TSHZ2: variants seen among roughly 807,000 people sequenced by gnomAD.
The protein encoded by TSHZ2 is teashirt zinc finger homeobox 2.
A neutral mutation model predicts 74.4 loss-of-function variants in TSHZ2; 21 were observed. The observed-to-expected ratio is 0.28, with a 90% CI of 0.20 to 0.41. TSHZ2 has a LOEUF of 0.41. Ranked by LOEUF, TSHZ2 falls within the 10% of genes least tolerant of loss-of-function variation. The pLI is 1.00. For missense variants in TSHZ2, 1,244 were observed against 1,293.5 expected (o/e 0.96, Z 0.59); for synonymous variants, 540 against 515.3 (o/e 1.05, Z -0.65).
intron 2 of TSHZ2, among the ~76,000 whole-genome samples, chr20:53,467,845 T>C (rs1415990337): frequency 2.6e-5 from 4 of 152,194 alleles, no homozygotes; most frequent in African/African-American, 9.7e-5. Flanking sequence ...CATGAGGATA[T>C]GTGTACCAGG....
chr20:53,190,137 A>ATATT (rs1568803538), intron 1 of TSHZ2, among the ~76,000 whole-genome samples: 2 of 90,498 alleles, frequency 2.2e-5, no homozygotes, highest in Non-Finnish European at 4.4e-5. Flanking sequence ...ATATATATAT[A>ATATT]TTTTCTTAAA....
At chr20:53,108,357 T>C (rs577744923) in intron 1 of TSHZ2, among the ~76,000 whole-genome samples, 1 of 152,358 alleles carries the variant, frequency 6.6e-6, no homozygotes, top group African/African-American at 2.4e-5. Flanking sequence ...GTTATGCACA[T>C]GGAGGCATTT....
At chr20:53,370,294 C>G (rs2145620910) in intron 2 of TSHZ2, among the ~76,000 whole-genome samples, 2 of 152,216 alleles carry the variant, frequency 1.3e-5, no homozygotes, top group Middle Eastern at 3.4e-3. Context: ...GAGGAGGGGA[C>G]CTGGGGAGCT....
At chr20:53,340,959 C>G (rs1394683646) in intron 2 of TSHZ2, among the ~76,000 whole-genome samples, 1 of 152,196 alleles carries the variant, frequency 6.6e-6, no homozygotes, top group Non-Finnish European at 1.5e-5. Flanking sequence ...TACCTGCTGG[C>G]TTGTTGGTGG....
chr20:53,163,958 C>G (rs1988007353), intron 1 of TSHZ2, among the ~76,000 whole-genome samples: 1 of 152,152 alleles, frequency 6.6e-6, no homozygotes, highest in Non-Finnish European at 1.5e-5. Context: ...TCATAAGCAT[C>G]TTATCAAGTG....
intron 1 of TSHZ2, among the ~76,000 whole-genome samples, chr20:53,069,922 A>C (rs1171907747): frequency 2.0e-5 from 3 of 152,224 alleles, no homozygotes; most frequent in Non-Finnish European, 2.9e-5. Context: ...AGGACCACTT[A>C]GGGTCCCGTT....
intron 2 of TSHZ2, among the ~76,000 whole-genome samples, chr20:53,362,906 A>G (rs1488190063): frequency 6.6e-6 from 1 of 152,224 alleles, no homozygotes; most frequent in African/African-American, 2.4e-5. Flanking sequence ...TCATCTCCAC[A>G]CATCAAAAGG....
intron 1 of TSHZ2, among the ~76,000 whole-genome samples, chr20:53,137,701 C>T (rs1987282543): frequency 6.6e-6 from 1 of 152,160 alleles, no homozygotes; most frequent in Admixed American, 6.5e-5. Flanking sequence ...TCTAGCTGAT[C>T]TCTGTGCACG....
intron 2 of TSHZ2, among the ~76,000 whole-genome samples, chr20:53,300,095 G>A (rs755910767): frequency 3.9e-5 from 6 of 152,106 alleles, no homozygotes; most frequent in Non-Finnish European, 8.8e-5. Flanking sequence ...TCTCTTAACA[G>A]AGCCAGCAAT....
Position 53,254,973 on chromosome 20 carries a change from C to A in TSHZ2, c.1515C>A (p.Asp505Glu). The change falls in exon 2 of 3, where the codon GAC (aspartate) becomes GAA (glutamate). Residue 505 changes from aspartate (D) to glutamate (E), a missense_variant. This residue lies in a region of TSHZ2 where 562 missense variants were observed against 544.0 expected (regional missense o/e 1.03). Transcript: ENST00000371497. The stretch of plus-strand genomic sequence containing the variant: ...AATATCAATACCTAAGGGAGGAAGA[C>A]TTGGAAGATGGCTCAAAGGGTGGAG... Reference protein sequence around the residue: ...TIKYQYLREEDLEDGSKGGGD... With the variant: ...TIKYQYLREEELEDGSKGGGD... 6.2e-7 allele frequency: 1 copy of A among 1,614,186 alleles called. No homozygotes were observed. Among genetic ancestry groups the A allele is most frequent in the Non-Finnish European group, 8.5e-7 (1 of 1,180,020 alleles).
At chr20:53,309,639 T>C (rs751515711) in intron 2 of TSHZ2, among the ~76,000 whole-genome samples, 8 of 152,238 alleles carry the variant, frequency 5.3e-5, no homozygotes, top group Non-Finnish European at 1.0e-4. Flanking sequence ...CAAATTAGCA[T>C]GCTACCAATG....
intron 1 of TSHZ2, among the ~76,000 whole-genome samples, chr20:53,174,654 G>C (rs933026962): frequency 1.3e-5 from 2 of 152,198 alleles, no homozygotes. Context: ...CTATCATGAC[G>C]CCTGTGTCTC....
intron 1 of TSHZ2, among the ~76,000 whole-genome samples, chr20:53,075,667 A>G (rs184037517): frequency 6.6e-6 from 1 of 152,312 alleles, no homozygotes; most frequent in Admixed American, 6.5e-5. Flanking sequence ...GTGATAAGAT[A>G]TGAGAATGAA....
At chr20:53,250,487 T>C (rs1407556830) in intron 1 of TSHZ2, among the ~76,000 whole-genome samples, 1 of 152,162 alleles carries the variant, frequency 6.6e-6, no homozygotes, top group African/African-American at 2.4e-5. Flanking sequence ...GAAAGGTGTT[T>C]TTTTAAAAAA....
chr20:53,465,277 G>A (rs542768954), intron 2 of TSHZ2, among the ~76,000 whole-genome samples: 1 of 151,908 alleles, frequency 6.6e-6, no homozygotes, highest in Non-Finnish European at 1.5e-5. Context: ...TTTTGTGTGT[G>A]TGTGTGTGTG....
chr20:53,448,263 G>A (rs920045184), intron 2 of TSHZ2, among the ~76,000 whole-genome samples: 2 of 152,148 alleles, frequency 1.3e-5, no homozygotes, highest in Non-Finnish European at 2.9e-5. Flanking sequence ...GGTTTATATA[G>A]CAGAGAAGAA....
intron 2 of TSHZ2, among the ~76,000 whole-genome samples, chr20:53,407,791 CATT>C (rs1422773777): frequency 2.0e-5 from 3 of 152,176 alleles, no homozygotes; most frequent in Non-Finnish European, 2.9e-5. Context: ...AGAACAAACT[CATT>C]ATACAGCACA....
intron 2 of TSHZ2, among the ~76,000 whole-genome samples, chr20:53,382,881 A>G (rs1381129896): frequency 6.6e-6 from 1 of 152,170 alleles, no homozygotes; most frequent in Non-Finnish European, 1.5e-5. Context: ...ACCTTGGCCA[A>G]GTCACTGCTC....
At chr20:53,007,686 CGT>C (rs369690160) in intron 1 of TSHZ2, among the ~76,000 whole-genome samples, 2 of 147,576 alleles carry the variant, frequency 1.4e-5, no homozygotes, top group African/African-American at 2.5e-5. Context: ...TATGTATATG[CGT>C]GTGTGGTGTG....
Sources: gnomAD v4.1 joint callset for allele counts (sites outside exome capture counted in the v4.1 genomes callset) on GRCh38, gnomAD v4.1.1 for gene constraint, gnomAD v4.1.1 regional missense constraint, MANE v1.5 for transcripts, NCBI Gene and HGNC (gene_info 2026-07-23, HGNC 2026-07-21) for gene names.